Variants in PEX5L observed in about 807,000 individuals in gnomAD.
The protein encoded by PEX5L is peroxisomal biogenesis factor 5 like.
Under a neutral mutation model 84.0 loss-of-function variants are expected in PEX5L, and 30 were observed. The observed-to-expected ratio is 0.36, with a 90% CI of 0.27 to 0.48. The LOEUF is 0.48. Ranked by LOEUF, PEX5L falls within the 20% of genes least tolerant of loss-of-function variation. The pLI, the probability that PEX5L is intolerant of heterozygous loss-of-function variation, is 0.99. For missense variants in PEX5L, 533 were observed against 754.6 expected, an observed-to-expected ratio of 0.71 and a Z score of 3.44; for synonymous variants, 270 against 283.1, an observed-to-expected ratio of 0.95 and a Z score of 0.46.
chr3:179,899,741 CTTTGT>C (rs1760679926), intron 2 of PEX5L, among the ~76,000 whole-genome samples: 2 of 151,916 alleles, frequency 1.3e-5, no homozygotes, highest in Non-Finnish European at 2.9e-5. Context: ...AAGTTTGTTT[CTTTGT>C]TTTGTTTTGA....
chr3:179,908,877 A>G (rs892658682), intron 2 of PEX5L, among the ~76,000 whole-genome samples: 2 of 152,152 alleles, frequency 1.3e-5, no homozygotes, highest in Non-Finnish European at 2.9e-5. Context: ...ATTGTTGGAC[A>G]TTTGGGTTGG....
chr3:180,036,252 G>A (rs1309662207), intron 1 of PEX5L, among the ~76,000 whole-genome samples: 1 of 152,158 alleles, frequency 6.6e-6, no homozygotes, highest in Non-Finnish European at 1.5e-5. Context: ...ATGCTGAGAT[G>A]CATCAATAGG....
chr3:180,021,236 A>T (rs1466692443), intron 1 of PEX5L, among the ~76,000 whole-genome samples: 1 of 152,212 alleles, frequency 6.6e-6, no homozygotes, highest in Non-Finnish European at 1.5e-5. Flanking sequence ...GCATGGAGGC[A>T]CAAGTCCAAT....
chr3:179,894,951 A>G (rs1758761777), intron 3 of PEX5L, among the ~76,000 whole-genome samples: 1 of 152,146 alleles, frequency 6.6e-6, no homozygotes, highest in South Asian at 2.1e-4. Flanking sequence ...TCATTCTCAT[A>G]AAGAGAATAC....
intron 8 of PEX5L, among the ~76,000 whole-genome samples, chr3:179,826,958 T>G (rs1730723683): frequency 6.6e-6 from 1 of 152,190 alleles, no homozygotes; most frequent in Non-Finnish European, 1.5e-5. Context: ...AAAATAGTGG[T>G]AACTGTAATT....
chr3:179,812,470 C>T (rs945389974), intron 10 of PEX5L, among the ~76,000 whole-genome samples: 2 of 152,106 alleles, frequency 1.3e-5, no homozygotes, highest in Admixed American at 1.3e-4. Context: ...TACATTTCAT[C>T]GTACCTTAAG....
At chr3:179,996,407 A>C (rs1312849371) in intron 1 of PEX5L, among the ~76,000 whole-genome samples, 1 of 152,202 alleles carries the variant, frequency 6.6e-6, no homozygotes, top group African/African-American at 2.4e-5. Context: ...GGAGTTAAAA[A>C]GGGTTCTAAT....
intron 1 of PEX5L, among the ~76,000 whole-genome samples, chr3:179,999,703 C>T (rs1373739310): frequency 2.0e-5 from 3 of 152,168 alleles, no homozygotes; most frequent in East Asian, 1.9e-4. Context: ...CATGGAATCA[C>T]GGAATGCCTT....
At chr3:179,855,027 C>T (rs933530757) in intron 8 of PEX5L, among the ~76,000 whole-genome samples, 13 of 152,056 alleles carry the variant, frequency 8.5e-5, no homozygotes, top group East Asian at 1.9e-4. Context: ...ACCTGAAGAT[C>T]GGAGGAAAGA....
In PEX5L at chr3:179,849,935, G is replaced by A. The variant is rs979445996; in HGVS notation, c.822+9127C>T. The stretch of plus-strand genomic sequence containing the variant: ...AGAAGACTTATCAGTGAATAACTAA[G>A]GTTTTGTTAGAATGGGTCAAATTAA... On this transcript the variant is annotated intron_variant, in intron 8 of 14. Coordinates refer to ENST00000467460, the MANE Select transcript of PEX5L (RefSeq NM_016559.3). 7.2e-5 allele frequency among the ~76,000 whole-genome samples: 11 copies of A among 152,180 alleles called. No individual in the cohort carries two copies. The South Asian group carries it at 2.3e-3, about 32-fold the overall frequency.
chr3:179,863,035 G>T (rs916779706), intron 7 of PEX5L, among the ~76,000 whole-genome samples: 1 of 152,184 alleles, frequency 6.6e-6, no homozygotes, highest in Non-Finnish European at 1.5e-5. Context: ...GTAAACCCAT[G>T]CATTTATGGT....
rs143084920 is a variant in PEX5L at position 179,835,425 on chromosome 3, A to T, written c.823-15449T>A. Among the ~76,000 whole-genome samples, 178 of 152,304 alleles carry T rather than the reference A, an allele frequency of 1.2e-3. 1 individual carries two copies. The highest frequency in any genetic ancestry group is 4.2e-3 in the African/African-American group (174 of 41,574). Reference sequence around the variant, plus strand: ...TTGAATGTTCACAGAGATGTGAGACAATATATCAGTCGGTAATGGTTGCTG... The same window carrying T: ...TTGAATGTTCACAGAGATGTGAGACTATATATCAGTCGGTAATGGTTGCTG... On this transcript the variant is annotated intron_variant, in intron 8 of 14. Coordinates refer to ENST00000467460, the MANE Select transcript of PEX5L (RefSeq NM_016559.3).
At chr3:179,986,645 G>A (rs1477201027) in intron 1 of PEX5L, among the ~76,000 whole-genome samples, 5 of 152,010 alleles carry the variant, frequency 3.3e-5, no homozygotes, top group Middle Eastern at 3.4e-3. Context: ...CTCGTGATCC[G>A]CCCGTCTTGG....
At chr3:179,837,389 T>C (rs557603887) in intron 8 of PEX5L, among the ~76,000 whole-genome samples, 1 of 152,338 alleles carries the variant, frequency 6.6e-6, no homozygotes, top group East Asian at 1.9e-4. Flanking sequence ...CTCATCATGA[T>C]GAGACTCTTA....
intron 8 of PEX5L, among the ~76,000 whole-genome samples, chr3:179,841,955 G>T (rs990774418): frequency 6.6e-6 from 1 of 152,196 alleles, no homozygotes; most frequent in Non-Finnish European, 1.5e-5. Flanking sequence ...ACACAGCATA[G>T]TTCGTCATGT....
At chr3:179,925,420 A>AT (rs1210475484) in intron 2 of PEX5L, among the ~76,000 whole-genome samples, 6 of 152,082 alleles carry the variant, frequency 3.9e-5, no homozygotes, top group African/African-American at 1.4e-4. Flanking sequence ...TACTACACAT[A>AT]TTTTTATCCT....
At chr3:180,007,402 G>A (rs1377593277) in intron 1 of PEX5L, among the ~76,000 whole-genome samples, 1 of 152,250 alleles carries the variant, frequency 6.6e-6, no homozygotes, top group African/African-American at 2.4e-5. Context: ...GGCATTGCAT[G>A]TCTGCGGCTT....
chr3:179,825,506 A>G (rs762426378), intron 8 of PEX5L, among the ~76,000 whole-genome samples: 1 of 152,230 alleles, frequency 6.6e-6, no homozygotes, highest in Non-Finnish European at 1.5e-5. Flanking sequence ...GGAAGGCTCA[A>G]AATTAATCAA....
chr3:179,819,254 A>G (rs115075431), intron 9 of PEX5L, among the ~76,000 whole-genome samples: 6,837 of 152,138 alleles, frequency 0.045, 177 homozygotes, highest in Non-Finnish European at 0.063. Context: ...AAATGCATAA[A>G]TCCTAGAGCA....
Sources: allele counts gnomAD v4.1 joint callset (sites outside exome capture counted in the v4.1 genomes callset), GRCh38; gene constraint gnomAD v4.1.1; transcripts MANE v1.5; gene names NCBI Gene and HGNC (gene_info 2026-07-23, HGNC 2026-07-21).